The following DYSF variants were observed in gnomAD, a reference collection of about 807,000 sequenced individuals.
DYSF encodes the protein dystrophy-associated fer-1-like 1.
Under a neutral mutation model 274.9 loss-of-function variants are expected in DYSF, and 212 were observed. That is an observed-to-expected ratio of 0.77 (90% CI 0.69 to 0.86). The LOEUF (loss-of-function observed/expected upper bound fraction) is 0.86, where lower values mean the gene tolerates loss of function less well. Among genes scored for constraint, DYSF ranks in the 40% least tolerant of loss-of-function variants. The pLI is 0.00. For missense variants in DYSF, 2,666 were observed against 2,783.2 expected, an observed-to-expected ratio of 0.96 and a Z score of 0.95; for synonymous variants, 1,091 against 1,078.7, an observed-to-expected ratio of 1.01 and a Z score of -0.22.
chr2:71,559,816 G>C (rs2091602534), intron 22 of DYSF, among the ~76,000 whole-genome samples: 1 of 152,220 alleles, frequency 6.6e-6, no homozygotes, highest in East Asian at 1.9e-4. Context: ...GACTTCCTGA[G>C]AGCAGGGCCA....
rs754177085 is a variant in DYSF, at chr2:71,556,060, C to T, written c.2205C>T (p.Ile735=). ...SLVAQLTDEL[I]AGCSQPLGDI... ...TGGCTCAGCTGACGGATGAGCTCAT[C>T]GCAGGCTGCAGGTAGGGGGGACCTG... The change falls in exon 22 of 56, where the codon ATC becomes ATT. Residue 735 remains isoleucine (I), a synonymous_variant. Transcript: ENST00000410020. The T allele has an allele frequency of 2.7e-5, 43 of 1,571,382 alleles. No homozygotes were observed. Among genetic ancestry groups the T allele is most frequent in the Non-Finnish European group, 3.4e-5 (39 of 1,158,962 alleles).
chr2:71,507,817 AT>A (rs1474716608), intron 4 of DYSF, among the ~76,000 whole-genome samples: 1 of 152,228 alleles, frequency 6.6e-6, no homozygotes, highest in African/African-American at 2.4e-5. Flanking sequence ...GCTTGGCTTA[AT>A]TCTCTTCTGT....
At chr2:71,546,800 G>C (rs752771153) in intron 17 of DYSF, among the ~76,000 whole-genome samples, 16 of 152,282 alleles carry the variant, frequency 1.1e-4, no homozygotes, top group Non-Finnish European at 2.2e-4. Flanking sequence ...CCTGGCGCAA[G>C]CGAGAGTCAG....
chr2:71,463,117 A>T (rs1232408667), upstream of DYSF, among the ~76,000 whole-genome samples: 2 of 152,190 alleles, frequency 1.3e-5, no homozygotes, highest in Admixed American at 6.5e-5. Flanking sequence ...TAGGCTGTTC[A>T]TGCAGAGGGG....
intron 17 of DYSF, among the ~76,000 whole-genome samples, chr2:71,542,153 G>A (rs928483824): frequency 1.3e-5 from 2 of 152,184 alleles, no homozygotes; most frequent in African/African-American, 4.8e-5. Context: ...GCTCTTACAA[G>A]TCCCAACCCT....
rs1381457057 is a variant in DYSF, at chr2:71,528,487, T to G, written c.1380+86T>G. Reference sequence around the variant, plus strand: ...TGTGCCGGGTGAGAGCAAGACAGAGTGAGATGCCCCCACCAGAGGTGTGTG... The same window carrying G: ...TGTGCCGGGTGAGAGCAAGACAGAGGGAGATGCCCCCACCAGAGGTGTGTG... On this transcript the variant is annotated intron_variant, in intron 14 of 55. Transcript: ENST00000410020. 27 of 1,138,438 alleles carry G rather than the reference T, an allele frequency of 2.4e-5. No homozygotes were observed. In the Admixed American group the frequency reaches 5.1e-4, roughly 22 times the overall value. The allele number at this position is 1,138,438 out of a possible 1,614,324, so 70.5% of individuals were successfully genotyped here.
rs1240686797 is a variant in DYSF, at chr2:71,665,309, G to A, written c.5317+5G>A. ...AATATTCCATTGAAGAGATAGGTGA[G>A]CTGCCACATGACCCCAAACCATGGT... On this transcript the variant is annotated splice_donor_5th_base_variant and intron_variant, in intron 47 of 55. Transcript: ENST00000410020. 1.2e-6 allele frequency: 2 copies of A among 1,613,996 alleles called. No homozygotes were observed. Among genetic ancestry groups the A allele is most frequent in the African/African-American group, 1.3e-5 (1 of 74,918 alleles).
At chr2:71,627,805 C>T (rs1490236233) in intron 41 of DYSF, among the ~76,000 whole-genome samples, 1 of 152,102 alleles carries the variant, frequency 6.6e-6, no homozygotes, top group African/African-American at 2.4e-5. Flanking sequence ...AATCTTTTAA[C>T]AATATGTAGC....
intron 12 of DYSF, 114 bp downstream of exon 12, chr2:71,521,018 G>C (rs1228856308): frequency 2.5e-6 from 2 of 803,392 alleles, no homozygotes; most frequent in Non-Finnish European, 2.0e-6. Flanking sequence ...CTAATATGTG[G>C]TAATTAATGA....
At chr2:71,459,016 C>T (rs1055382566) in intron 1 of DYSF, among the ~76,000 whole-genome samples, 1 of 152,224 alleles carries the variant, frequency 6.6e-6, no homozygotes, top group African/African-American at 2.4e-5. Flanking sequence ...GGGTTCTACC[C>T]TCTTGCTGGA....
exon 1 of DYSF, chr2:71,453,704 G>A (rs1460923179): frequency 8.4e-6 from 4 of 477,992 alleles, no homozygotes; most frequent in Non-Finnish European, 1.2e-5. Context: ...GCTCGACGGA[G>A]CTCGGGAAGG....
intron 1 of DYSF, among the ~76,000 whole-genome samples, chr2:71,458,180 G>T (rs2081147672): frequency 1.3e-5 from 2 of 152,144 alleles, no homozygotes; most frequent in African/African-American, 4.8e-5. Flanking sequence ...AATCATTCTG[G>T]AGAGTTTATG....
In DYSF at chr2:71,520,884, G is replaced by A. The variant is rs779404958; in HGVS notation, c.1129G>A (p.Gly377Arg). 2 of 1,614,092 alleles carry A rather than the reference G, an allele frequency of 1.2e-6. No individual in the cohort carries two copies. The highest frequency in any genetic ancestry group is 2.2e-5 in the East Asian group (1 of 44,878). The change falls in exon 12 of 56, where the codon GGG becomes AGG. Residue 377 changes from glycine (G) to arginine (R), a missense_variant. Gly to Arg is a moderately radical substitution (Grantham distance 125). Coordinates refer to ENST00000410020, the MANE Select transcript of DYSF (RefSeq NM_001130987.2). ...GYLKTSLCVL[G>R]PGDEAPLERK... ...CCTGAAAACAAGCCTTTGTGTGCTG[G>A]GGCCTGGGGACGAAGCGCCTGTGAG...
intron 42 of DYSF, among the ~76,000 whole-genome samples, chr2:71,655,130 G>A (rs906589382): frequency 3.6e-4 from 55 of 151,788 alleles, no homozygotes; most frequent in African/African-American, 1.2e-3. Flanking sequence ...TTACAAGTTT[G>A]TATCTTTTGA....
At chr2:71,547,590 GAT>G (rs2090580718) in intron 17 of DYSF, among the ~76,000 whole-genome samples, 1 of 152,200 alleles carries the variant, frequency 6.6e-6, no homozygotes, top group Non-Finnish European at 1.5e-5. Context: ...AGTGAGCCGA[GAT>G]TGGGCCACTG....
At chr2:71,585,819 C>T (rs569882409) in intron 30 of DYSF, among the ~76,000 whole-genome samples, 10 of 152,104 alleles carry the variant, frequency 6.6e-5, no homozygotes, top group South Asian at 4.2e-4. Flanking sequence ...GATGGGTGCT[C>T]GCAATGTAAA....
intron 6 of DYSF, 48 bp from the exon 7 acceptor site, chr2:71,513,668 G>A (rs777357945): frequency 1.2e-5 from 20 of 1,601,442 alleles, no homozygotes; most frequent in East Asian, 2.2e-5. Flanking sequence ...GCAGGGGCAG[G>A]GGCAGGGCCA....
intron 31 of DYSF, 46 bp from the exon 32 acceptor site, chr2:71,590,165 A>G: frequency 6.2e-7 from 1 of 1,603,050 alleles, no homozygotes; most frequent in South Asian, 1.1e-5. Flanking sequence ...GCTCTTAACC[A>G]CTCCAGCCAC....
At chr2:71,663,528 C>T (rs2094939255) in intron 45 of DYSF, among the ~76,000 whole-genome samples, 1 of 152,212 alleles carries the variant, frequency 6.6e-6, no homozygotes, top group African/African-American at 2.4e-5. Flanking sequence ...CAAATGTGGC[C>T]CCTGCCCTCC....
Sources: gnomAD v4.1 joint callset for allele counts (sites outside exome capture counted in the v4.1 genomes callset) on GRCh38, gnomAD v4.1.1 for gene constraint, MANE v1.5 for transcripts, NCBI Gene and HGNC (gene_info 2026-07-23, HGNC 2026-07-21) for gene names.